GLRA3: variants seen among roughly 807,000 people sequenced by gnomAD.
GLRA3 encodes the protein glycine receptor alpha 3.
Under a neutral mutation model 60.4 loss-of-function variants are expected in GLRA3, and 44 were observed. The ratio of observed to expected loss-of-function variants is 0.73; its 90% CI spans 0.57 to 0.94. The LOEUF is 0.94. GLRA3 is among the 40% of genes least tolerant of loss of function. The probability of loss-of-function intolerance (pLI) is 0.00; values close to 1 mark genes in which losing one functional copy is unlikely to be tolerated. For missense variants in GLRA3, 508 were observed against 564.6 expected (o/e 0.90, Z 1.02); for synonymous variants, 223 against 192.9 (o/e 1.16, Z -1.29).
chr4:174,744,939 C>A (rs1288771387), intron 3 of GLRA3, among the ~76,000 whole-genome samples: 1 of 152,090 alleles, frequency 6.6e-6, no homozygotes, highest in African/African-American at 2.4e-5. Flanking sequence ...GAGAAATTTA[C>A]AAAAGGGATA....
At chr4:174,675,460 G>A (rs1273867516) in intron 7 of GLRA3, among the ~76,000 whole-genome samples, 2 of 151,996 alleles carry the variant, frequency 1.3e-5, no homozygotes, top group Non-Finnish European at 2.9e-5. Flanking sequence ...TCTTTCTGTT[G>A]TGCCTTGTAG....
At chr4:174,768,072 T>G (rs7687424) in intron 2 of GLRA3, among the ~76,000 whole-genome samples, 1 of 151,878 alleles carries the variant, frequency 6.6e-6, no homozygotes, top group East Asian at 1.9e-4. Flanking sequence ...AATGGAAAGC[T>G]CTTTGAGTGA....
rs1404798321 is a variant in GLRA3 at position 174,749,740 on chromosome 4, G to GAATGT, written c.267+17218_267+17222dup. On this transcript the variant is annotated intron_variant, in intron 3 of 9. Transcript: ENST00000274093. ...ACCAGGGATTTTTCATGACTCTCCT[G>GAATGT]AATGTGTATCTTATCTCTTGTACCT... Among the ~76,000 whole-genome samples, 6 of 152,162 alleles carry GAATGT rather than the reference G, an allele frequency of 3.9e-5. 1 individual carries two copies. The highest frequency in any genetic ancestry group is 3.9e-4 in the Admixed American group (6 of 15,264).
At chr4:174,793,479 G>T (rs1248812764) in intron 1 of GLRA3, among the ~76,000 whole-genome samples, 1 of 150,644 alleles carries the variant, frequency 6.6e-6, no homozygotes, top group Non-Finnish European at 1.5e-5. Flanking sequence ...TAGAGACAGG[G>T]TCTTGCTCTG....
chr4:174,784,960 A>G (rs1479156133), intron 2 of GLRA3, among the ~76,000 whole-genome samples: 2 of 152,148 alleles, frequency 1.3e-5, no homozygotes, highest in Non-Finnish European at 2.9e-5. Flanking sequence ...TGAAAAGGAA[A>G]GATAATGTTA....
chr4:174,739,467 C>T (rs1399389019), intron 3 of GLRA3, among the ~76,000 whole-genome samples: 2 of 152,136 alleles, frequency 1.3e-5, no homozygotes, highest in African/African-American at 4.8e-5. Flanking sequence ...AAGGATGTGA[C>T]TACGACCCCT....
intron 6 of GLRA3, among the ~76,000 whole-genome samples, chr4:174,677,917 T>C (rs929434110): frequency 1.3e-5 from 2 of 152,142 alleles, no homozygotes; most frequent in Non-Finnish European, 2.9e-5. Context: ...AGGAGAAATA[T>C]ATACTTATTA....
At chr4:174,656,212 G>A (rs974137655) in intron 9 of GLRA3, among the ~76,000 whole-genome samples, 2 of 151,998 alleles carry the variant, frequency 1.3e-5, no homozygotes, top group African/African-American at 4.8e-5. Context: ...TAATTTCAAA[G>A]GATGCTGCTA....
intron 1 of GLRA3, among the ~76,000 whole-genome samples, chr4:174,809,051 A>G (rs572705646): frequency 1.3e-5 from 2 of 152,234 alleles, no homozygotes; most frequent in African/African-American, 4.8e-5. Flanking sequence ...TTCACTCACC[A>G]CTCACTCACT....
intron 2 of GLRA3, among the ~76,000 whole-genome samples, chr4:174,786,516 T>G (rs762425618): frequency 6.6e-5 from 10 of 152,186 alleles, no homozygotes; most frequent in Non-Finnish European, 1.5e-4. Flanking sequence ...ATCCTCCTGA[T>G]AGCCGTAAGG....
intron 3 of GLRA3, among the ~76,000 whole-genome samples, chr4:174,744,207 G>A (rs1397044374): frequency 5.3e-5 from 8 of 152,368 alleles, no homozygotes; most frequent in African/African-American, 1.9e-4. Flanking sequence ...TTGGGACCCA[G>A]AGGGTTGTAG....
At chr4:174,693,585 G>C (rs1246623755) in intron 5 of GLRA3, among the ~76,000 whole-genome samples, 1 of 152,108 alleles carries the variant, frequency 6.6e-6, no homozygotes, top group Non-Finnish European at 1.5e-5. Context: ...TTAAAGTTGG[G>C]TAGCATGATG....
chr4:174,771,133 A>G (rs1579579541), intron 2 of GLRA3, among the ~76,000 whole-genome samples: 2 of 151,722 alleles, frequency 1.3e-5, no homozygotes, highest in Admixed American at 6.6e-5. Context: ...CCTAATGCTA[A>G]ATGACGAGTT....
intron 2 of GLRA3, among the ~76,000 whole-genome samples, chr4:174,785,936 GTT>G (rs752488665): frequency 1.4e-4 from 14 of 103,472 alleles, no homozygotes; most frequent in African/African-American, 4.8e-4. Flanking sequence ...TGCCTGGCTA[GTT>G]TTTTTTTTTT....
At chr4:174,719,697 C>G (rs1736065250) in intron 4 of GLRA3, among the ~76,000 whole-genome samples, 1 of 151,712 alleles carries the variant, frequency 6.6e-6, no homozygotes, top group African/African-American at 2.4e-5. Context: ...GCTTAATTGT[C>G]ATCTGATCAT....
At chr4:174,792,336 T>G (rs905816660) in intron 1 of GLRA3, among the ~76,000 whole-genome samples, 6 of 149,364 alleles carry the variant, frequency 4.0e-5, no homozygotes, top group South Asian at 2.1e-4. Context: ...CCATTTTCTG[T>G]TTTTTTTTAA....
intron 9 of GLRA3, among the ~76,000 whole-genome samples, chr4:174,647,511 C>G (rs917648414): frequency 6.6e-6 from 1 of 151,944 alleles, no homozygotes; most frequent in Non-Finnish European, 1.5e-5. Flanking sequence ...AAAACAAAAG[C>G]CCAGTTGGTA....
At chr4:174,680,531 A>C (rs754921149) in intron 6 of GLRA3, among the ~76,000 whole-genome samples, 39 of 152,180 alleles carry the variant, frequency 2.6e-4, no homozygotes, top group Non-Finnish European at 4.1e-4. Context: ...GGCTTGGAAC[A>C]ATTTCAGGAA....
At chr4:174,702,464 AAGG>A (rs1735356312) in intron 5 of GLRA3, among the ~76,000 whole-genome samples, 1 of 152,188 alleles carries the variant, frequency 6.6e-6, no homozygotes, top group South Asian at 2.1e-4. Context: ...CAATAGCTCT[AAGG>A]TATCCCTATA....
Sources: gnomAD v4.1 joint callset for allele counts (sites outside exome capture counted in the v4.1 genomes callset) on GRCh38, gnomAD v4.1.1 for gene constraint, MANE v1.5 for transcripts, NCBI Gene and HGNC (gene_info 2026-07-23, HGNC 2026-07-21) for gene names.